BANP: variants seen among roughly 807,000 people sequenced by gnomAD.
BANP encodes the protein protein BANP.
In BANP, 11 loss-of-function variants were observed where a neutral mutation model predicts 68.1. That is an observed-to-expected ratio of 0.16 (90% CI 0.10 to 0.27). BANP has a LOEUF of 0.27. Among genes scored for constraint, BANP ranks in the 10% least tolerant of loss-of-function variants. The pLI is 1.00. For synonymous variants in BANP, 329 were observed against 303.2 expected, an observed-to-expected ratio of 1.09 and a Z score of -0.88; for missense variants, 504 against 722.7, an observed-to-expected ratio of 0.70 and a Z score of 3.47.
chr16:87,960,495 T>C (rs767751789), intron 1 of BANP, among the ~76,000 whole-genome samples: 1 of 152,202 alleles, frequency 6.6e-6, no homozygotes, highest in Non-Finnish European at 1.5e-5. Flanking sequence ...GCAAACCTTC[T>C]ATTTTGGAAC....
chr16:87,985,585 A>T (rs933355994), intron 4 of BANP, among the ~76,000 whole-genome samples: 6 of 152,212 alleles, frequency 3.9e-5, no homozygotes, highest in African/African-American at 1.4e-4. Context: ...AAAAAAGAAA[A>T]TGTAATTTAT....
intron 13 of BANP, 71 bp downstream of exon 13, chr16:88,072,283 G>T: frequency 6.6e-7 from 1 of 1,521,842 alleles, no homozygotes; most frequent in Non-Finnish European, 8.8e-7. Context: ...CCGGGCACAC[G>T]TGGCCCCGGG....
intron 6 of BANP, among the ~76,000 whole-genome samples, chr16:88,015,369 C>G (rs1431838568): frequency 1.3e-5 from 2 of 152,218 alleles, no homozygotes; most frequent in Non-Finnish European, 2.9e-5. Flanking sequence ...TGTGCCAGTT[C>G]AGCTCGGACC....
At chr16:87,989,592 T>C (rs1172232423) in intron 4 of BANP, among the ~76,000 whole-genome samples, 186 of 101,410 alleles carry the variant, frequency 1.8e-3, no homozygotes, top group African/African-American at 3.2e-3. Flanking sequence ...ACAGGGCGGG[T>C]GACGGGGGAT....
intron 11 of BANP, among the ~76,000 whole-genome samples, chr16:88,042,380 T>C (rs925702753): frequency 8.5e-5 from 13 of 152,192 alleles, no homozygotes; most frequent in African/African-American, 3.1e-4. Context: ...TCCAGCGCTG[T>C]GTCTCAGCCT....
intron 1 of BANP, chr16:87,963,602 C>T (rs1281948475): frequency 6.6e-6 from 1 of 152,184 alleles, no homozygotes; most frequent in Non-Finnish European, 1.5e-5. Context: ...TAGGACTTTT[C>T]TTAAGGGTTG....
chr16:88,059,878 G>T (rs542356982), intron 11 of BANP, among the ~76,000 whole-genome samples: 91 of 152,352 alleles, frequency 6.0e-4, no homozygotes, highest in Admixed American at 2.4e-3. Context: ...CCCGGCATTG[G>T]GATGGAGTCA....
At chr16:88,026,901 C>A (rs1353786850) in intron 7 of BANP, among the ~76,000 whole-genome samples, 1 of 152,224 alleles carries the variant, frequency 6.6e-6, no homozygotes, top group African/African-American at 2.4e-5. Context: ...TCTCCAAATG[C>A]CGGAAGGTGG....
chr16:88,035,924 A>C (rs2079231099), intron 10 of BANP, among the ~76,000 whole-genome samples: 1 of 152,174 alleles, frequency 6.6e-6, no homozygotes, highest in Non-Finnish European at 1.5e-5. Context: ...TGATTGTCTC[A>C]GTTTCTGGAG....
chr16:87,966,958 C>T (rs11117319), intron 1 of BANP: 97,241 of 152,322 alleles, frequency 0.64, 31,449 homozygotes, highest in Admixed American at 0.68. Flanking sequence ...CTTTGCTCCT[C>T]CGCGCCAGCT....
Position 88,033,215 on chromosome 16 carries a change from C to G in BANP, c.1170C>G (p.His390Gln). Residue 390 changes from histidine (H) to glutamine (Q), a missense_variant, in exon 9 of 14, where the codon CAC (histidine) becomes CAG (glutamine). His to Gln is a conservative substitution (Grantham distance 24). Around this residue, in one of 3 missense-constraint regions of BANP, gnomAD observed 223 missense variants for 246.2 expected, o/e 0.91. Coordinates refer to ENST00000682872, the MANE Select transcript of BANP (RefSeq NM_001386991.1). ...ALANAQQVQI[H>Q]QIGEDGQVQV... ...CCAACGCACAGCAGGTGCAGATCCA[C>G]CAGATCGGAGAAGACGGACAGGTGC... 1.9e-6 allele frequency: 3 copies of G among 1,608,618 alleles called. No homozygotes were observed. Among genetic ancestry groups the G allele is most frequent in the Non-Finnish European group, 1.7e-6 (2 of 1,175,948 alleles).
At chr16:87,983,813 A>G (rs184300618) in intron 3 of BANP, among the ~76,000 whole-genome samples, 14 of 152,354 alleles carry the variant, frequency 9.2e-5, no homozygotes, top group African/African-American at 3.4e-4. Context: ...AAGAATTGCA[A>G]CTGCACGTAG....
At chr16:87,986,028 GT>G (rs1415228153) in intron 4 of BANP, among the ~76,000 whole-genome samples, 4 of 152,178 alleles carry the variant, frequency 2.6e-5, no homozygotes, top group Non-Finnish European at 4.4e-5. Flanking sequence ...TGTGTGGAGA[GT>G]TTTTGTTGGG....
intron 7 of BANP, among the ~76,000 whole-genome samples, chr16:88,023,263 T>C (rs896356300): frequency 2.0e-5 from 3 of 152,158 alleles, no homozygotes; most frequent in Admixed American, 2.0e-4. Context: ...GAGGTGGTCC[T>C]GCAGGTGGCT....
In BANP at chr16:87,978,222, C is replaced by G. The variant is rs567560892; in HGVS notation, c.71-2814C>G. On this transcript the variant is annotated intron_variant, in intron 2 of 13. Coordinates refer to ENST00000682872, the MANE Select transcript of BANP (RefSeq NM_001386991.1). Reference sequence around the variant, plus strand: ...ACAGAATTATAGAAAGGAACACATACAAAAAGCAGCAAAGTACAAAGAAGA... The same window carrying G: ...ACAGAATTATAGAAAGGAACACATAGAAAAAGCAGCAAAGTACAAAGAAGA... Among the ~76,000 whole-genome samples, 3 of 152,296 alleles carry G rather than the reference C, an allele frequency of 2.0e-5. No individual in the cohort carries two copies. In the South Asian group the frequency reaches 6.2e-4, roughly 32 times the overall value.
intron 4 of BANP, among the ~76,000 whole-genome samples, chr16:87,992,142 C>G (rs2066015530): frequency 6.6e-6 from 1 of 152,134 alleles, no homozygotes; most frequent in Non-Finnish European, 1.5e-5. Context: ...CTTCTTGATT[C>G]TTTTGTTAAA....
intron 2 of BANP, among the ~76,000 whole-genome samples, chr16:87,976,673 G>A (rs1020694321): frequency 3.3e-5 from 5 of 152,020 alleles, no homozygotes; most frequent in African/African-American, 9.7e-5. Flanking sequence ...TCTGATGTCC[G>A]TTCATATGAT....
In BANP at chr16:88,047,155, C is replaced by T. The variant is rs529794317; in HGVS notation, c.1311+9144C>T. On this transcript the variant is annotated intron_variant, in intron 11 of 13. Coordinates refer to ENST00000682872, the MANE Select transcript of BANP (RefSeq NM_001386991.1). ...TCGTGCGGTCCTGGGTGGGAGGTGG[C>T]ATTGTTTGTGTTGTTTAAAATCCCA... 1.8e-3 allele frequency among the ~76,000 whole-genome samples: 274 copies of T among 152,182 alleles called. 1 individual carries two copies. The highest frequency in any genetic ancestry group is 6.4e-3 in the African/African-American group (265 of 41,528).
rs2091719386 is a variant in BANP, at chr16:88,077,015, A to T, written c.*354A>T. The T allele has an allele frequency of 4.2e-6, 1 of 238,262 alleles. No individual in the cohort carries two copies. The highest frequency in any genetic ancestry group is 8.3e-6 in the Non-Finnish European group (1 of 120,170). 14.8% of individuals were successfully genotyped at this position (238,262 alleles called of 1,614,324 possible). On this transcript the variant is annotated 3_prime_UTR_variant, in exon 14 of 14. Coordinates refer to ENST00000682872, the MANE Select transcript of BANP (RefSeq NM_001386991.1). The stretch of plus-strand genomic sequence containing the variant: ...TTATAACAAAAAAGAAAATTTGAAA[A>T]AAAAAATCCCAGGGGAGTAGCAGGA...
Sources: allele counts gnomAD v4.1 joint callset (sites outside exome capture counted in the v4.1 genomes callset), GRCh38; gene constraint gnomAD v4.1.1; regional missense constraint gnomAD v4.1.1; transcripts MANE v1.5; gene names NCBI Gene and HGNC (gene_info 2026-07-23, HGNC 2026-07-21).